Variants in CACNA1C observed in about 807,000 individuals in gnomAD.
The protein encoded by CACNA1C is calcium voltage-gated channel subunit alpha1 C.
CACNA1C carries 30 observed loss-of-function variants against 229.0 expected under a neutral mutation model. That is an observed-to-expected ratio of 0.13 (90% CI 0.10 to 0.18). The LOEUF (loss-of-function observed/expected upper bound fraction) is 0.18. Among genes scored for constraint, CACNA1C ranks in the 10% least tolerant of loss-of-function variants. CACNA1C has a pLI of 1.00. For synonymous variants in CACNA1C, 1,114 were observed against 1,132.5 expected, an observed-to-expected ratio of 0.98 and a Z score of 0.33; for missense variants, 1,658 against 2,845.0, an observed-to-expected ratio of 0.58 and a Z score of 9.49.
chr12:2,257,031 G>C (rs568408367), intron 3 of CACNA1C, among the ~76,000 whole-genome samples: 6 of 152,288 alleles, frequency 3.9e-5, no homozygotes, highest in African/African-American at 1.4e-4. Context: ...TCAGGACGGG[G>C]GTGGCTCTGC....
chr12:2,053,446 G>C lies in CACNA1C; in HGVS notation c.-117G>C. 8 of 1,472,688 alleles carry C rather than the reference G, an allele frequency of 5.4e-6. No individual in the cohort carries two copies. Among genetic ancestry groups the C allele is most frequent in the Non-Finnish European group, 7.2e-6 (8 of 1,104,258 alleles). 91.2% of individuals were successfully genotyped at this position (1,472,688 alleles called of 1,614,324 possible). A position where few individuals can be genotyped will look rare whatever the true frequency, so the allele number is the denominator to read the frequency against. ...AAACGCTGCAGACCACGGCTTCCTC[G>C]AATCTTGCGCGAAAGCCGCCGGCCT... On this transcript the variant is annotated 5_prime_UTR_variant, in exon 1 of 47. Transcript: ENST00000399655. The surrounding 1 kb of genome is among the most constrained non-coding windows in gnomAD (Gnocchi z 5.8).
intron 9 of CACNA1C, among the ~76,000 whole-genome samples, chr12:2,513,737 C>G (rs2099790113): frequency 6.6e-6 from 1 of 152,180 alleles, no homozygotes; most frequent in Non-Finnish European, 1.5e-5. Flanking sequence ...GGCCGCTGAC[C>G]AGCAGCGTCA....
At chr12:2,456,007 C>G (rs2099415631) in intron 4 of CACNA1C, among the ~76,000 whole-genome samples, 1 of 152,144 alleles carries the variant, frequency 6.6e-6, no homozygotes, top group Non-Finnish European at 1.5e-5. Context: ...CAGCTTGGAC[C>G]TCCCCACTGA....
chr12:2,579,299 C>G (rs1049073160), intron 13 of CACNA1C, among the ~76,000 whole-genome samples: 1 of 152,146 alleles, frequency 6.6e-6, no homozygotes, highest in Admixed American at 6.5e-5. Flanking sequence ...GACAGTTGAG[C>G]GCACAGAGGA....
intron 1 of CACNA1C, among the ~76,000 whole-genome samples, chr12:2,016,486 A>G (rs2045394910): frequency 2.0e-5 from 3 of 151,952 alleles, no homozygotes; most frequent in African/African-American, 7.3e-5. Flanking sequence ...CTGGAGTGCA[A>G]TGGCACGATT....
intron 3 of CACNA1C, among the ~76,000 whole-genome samples, chr12:2,383,128 T>C (rs929297300): frequency 3.3e-5 from 5 of 152,290 alleles, no homozygotes; most frequent in East Asian, 3.9e-4. Context: ...TTCCATAAAA[T>C]GGGGTGCTGT....
intron 3 of CACNA1C, among the ~76,000 whole-genome samples, chr12:2,127,139 G>T (rs1252048044): frequency 6.6e-6 from 1 of 152,164 alleles, no homozygotes; most frequent in Non-Finnish European, 1.5e-5. Flanking sequence ...TGAGCTTTGT[G>T]TGTCTCTTGC....
chr12:2,335,688 C>T lies in CACNA1C; in HGVS notation c.478-113288C>T, dbSNP rs147001094. Among the ~76,000 whole-genome samples the T allele has an allele frequency of 1.1e-3, 166 of 152,286 alleles. 1 individual carries two copies. Among genetic ancestry groups the T allele is most frequent in the African/African-American group, 3.9e-3 (162 of 41,566 alleles). ...GGACCGGCCCTCCCTTTGAGTGCTT[C>T]CTCCCTGCACATCTGAGTCCCATCT... On this transcript the variant is annotated intron_variant, in intron 3 of 46. Transcript: ENST00000399655.
chr12:2,186,410 G>A (rs565597323), intron 3 of CACNA1C, among the ~76,000 whole-genome samples: 5 of 152,286 alleles, frequency 3.3e-5, no homozygotes, highest in African/African-American at 9.6e-5. Flanking sequence ...AAGCGGCTGC[G>A]GGCCATGGGC....
intron 9 of CACNA1C, among the ~76,000 whole-genome samples, chr12:2,519,396 G>C (rs1183863513): frequency 6.6e-6 from 1 of 152,238 alleles, no homozygotes; most frequent in Non-Finnish European, 1.5e-5. Flanking sequence ...CCCCTGGACT[G>C]AGTTGGCTCA....
rs1343450171 is a variant in CACNA1C at position 2,493,149 on chromosome 12, C to T, written c.917-41C>T. On this transcript the variant is annotated intron_variant, in intron 6 of 46. Coordinates refer to ENST00000399655, the MANE Select transcript of CACNA1C (RefSeq NM_000719.7). This position sits in a 1 kb window ranked among gnomAD's most constrained non-coding sequence, Gnocchi z 4.6. ...TCTTTCTCTGCCCACATCTCTCCCT[C>T]CCTGCTGCTCCCGTCTCCTGTCTTC... The T allele has an allele frequency of 1.9e-6, 3 of 1,551,298 alleles. No individual in the cohort carries two copies. Among genetic ancestry groups the T allele is most frequent in the Admixed American group, 3.4e-5 (2 of 59,432 alleles).
intron 1 of CACNA1C, among the ~76,000 whole-genome samples, chr12:2,106,728 G>A (rs370227296): frequency 1.2e-3 from 101 of 87,630 alleles, no homozygotes; most frequent in African/African-American, 3.1e-3. Flanking sequence ...TCAGCTGGGC[G>A]TCCTGAAGCC....
At chr12:2,670,688 G>A (rs758922579) in intron 38 of CACNA1C, among the ~76,000 whole-genome samples, 7 of 151,784 alleles carry the variant, frequency 4.6e-5, no homozygotes, top group Non-Finnish European at 7.4e-5. Flanking sequence ...GTGAAACCTC[G>A]TCTCTACTAA....
chr12:2,153,155 C>T (rs1330999671), intron 3 of CACNA1C, among the ~76,000 whole-genome samples: 2 of 152,162 alleles, frequency 1.3e-5, no homozygotes, highest in Admixed American at 1.3e-4. Flanking sequence ...TGATTTTCCT[C>T]TCAATCCTCT....
At chr12:2,490,827 G>A (rs996391306) in intron 6 of CACNA1C, among the ~76,000 whole-genome samples, 6 of 152,218 alleles carry the variant, frequency 3.9e-5, no homozygotes, top group African/African-American at 1.4e-4. Flanking sequence ...CTGAAATAAG[G>A]AAATGGTGTG....
chr12:2,299,276 GT>G (rs1373649380), intron 3 of CACNA1C, among the ~76,000 whole-genome samples: 2 of 152,162 alleles, frequency 1.3e-5, no homozygotes, highest in African/African-American at 2.4e-5. Context: ...AGGGGGTGTG[GT>G]TTTTGCTTTT....
At chr12:2,622,485 C>G (rs531735032) in intron 29 of CACNA1C, among the ~76,000 whole-genome samples, 1 of 152,240 alleles carries the variant, frequency 6.6e-6, no homozygotes, top group East Asian at 1.9e-4. Context: ...AATCCTTGCC[C>G]TGGAGGAGCT....
chr12:1,976,748 T>C (rs2034487021), intron 1 of CACNA1C, among the ~76,000 whole-genome samples: 3 of 151,374 alleles, frequency 2.0e-5, no homozygotes, highest in South Asian at 2.1e-4. Flanking sequence ...ATGTCATGTA[T>C]ATATGCAAAT....
intron 21 of CACNA1C, among the ~76,000 whole-genome samples, chr12:2,599,066 T>C (rs2070396327): frequency 6.6e-6 from 1 of 152,226 alleles, no homozygotes; most frequent in South Asian, 2.1e-4. Flanking sequence ...AGAGACGCTC[T>C]GAGGCCCAAT....
Sources: gnomAD v4.1 joint callset for allele counts (sites outside exome capture counted in the v4.1 genomes callset) on GRCh38, gnomAD v4.1.1 for gene constraint, Gnocchi (gnomAD v3.1) non-coding constraint, MANE v1.5 for transcripts, NCBI Gene and HGNC (gene_info 2026-07-23, HGNC 2026-07-21) for gene names.